Variants in PROS1 observed in about 807,000 individuals in gnomAD.
PROS1 encodes vitamin K-dependent protein S.
In PROS1, 29 loss-of-function variants were observed where a neutral mutation model predicts 75.9. The ratio of observed to expected loss-of-function variants is 0.38; its 90% confidence interval spans 0.28 to 0.52. The LOEUF (loss-of-function observed/expected upper bound fraction) is 0.52, where lower values mean the gene tolerates loss of function less well. Among genes scored for constraint, PROS1 ranks in the 20% least tolerant of loss-of-function variants. The pLI, the probability that PROS1 is intolerant of heterozygous loss-of-function variation, is 0.83. For missense variants in PROS1, 680 were observed against 810.3 expected (o/e 0.84, Z 1.95); for synonymous variants, 245 against 280.6 (o/e 0.87, Z 1.27).
intron 1 of PROS1, among the ~76,000 whole-genome samples, chr3:93,966,130 C>T (rs1202120873): frequency 1.3e-5 from 2 of 152,128 alleles, no homozygotes; most frequent in Non-Finnish European, 2.9e-5. Context: ...CAAAAACTAA[C>T]AAACTAACCT....
At chr3:93,952,663 A>G (rs1426704793) in intron 1 of PROS1, among the ~76,000 whole-genome samples, 1 of 152,228 alleles carries the variant, frequency 6.6e-6, no homozygotes, top group Non-Finnish European at 1.5e-5. Flanking sequence ...AGCACAACTA[A>G]AAGAACTAGA....
chr3:93,944,319 T>A (rs766793689), intron 1 of PROS1, among the ~76,000 whole-genome samples: 1 of 151,990 alleles, frequency 6.6e-6, no homozygotes, highest in East Asian at 1.9e-4. Flanking sequence ...ATTAGTAACA[T>A]GAAAAAGACC....
intron 6 of PROS1, among the ~76,000 whole-genome samples, chr3:93,903,034 T>A (rs1228505302): frequency 2.0e-5 from 3 of 151,794 alleles, no homozygotes; most frequent in Non-Finnish European, 4.4e-5. Context: ...CCTGGTTAAT[T>A]TTCTGTATTT....
chr3:93,878,866 G>A (rs370365758), intron 13 of PROS1, among the ~76,000 whole-genome samples: 2 of 152,020 alleles, frequency 1.3e-5, no homozygotes, highest in South Asian at 2.1e-4. Flanking sequence ...CTATGTACTC[G>A]GATGGCTCCA....
chr3:93,892,830 T>C (rs1708452362), intron 10 of PROS1, 103 bp downstream of exon 10: 1 of 1,099,132 alleles, frequency 9.1e-7, no homozygotes, highest in Non-Finnish European at 1.4e-6. Flanking sequence ...TAGCATCAGA[T>C]AACTCCAAAT....
At chr3:93,970,766 CAAAT>C (rs1036763048) in intron 1 of PROS1, among the ~76,000 whole-genome samples, 13 of 151,912 alleles carry the variant, frequency 8.6e-5, no homozygotes, top group African/African-American at 2.4e-4. Context: ...ATTTTTAAAA[CAAAT>C]AAGTTGAATT....
chr3:93,906,016 C>T lies in PROS1; in HGVS notation c.469+5G>A, dbSNP rs756682607. 6.8e-6 allele frequency: 11 copies of T among 1,613,988 alleles called. No individual in the cohort carries two copies. The highest frequency in any genetic ancestry group is 1.6e-4 in the Middle Eastern group (1 of 6,062). On this transcript the variant is annotated splice_donor_5th_base_variant and intron_variant, in intron 5 of 14. Transcript: ENST00000394236. ...GAGCTGGGGGGCGGGGGTTATTATA[C>T]GTACCAAATTCACACTTTTCTCCTT...
At chr3:93,874,441 C>T in intron 14 of PROS1, 36 bp from the exon 15 acceptor site, 1 of 1,609,500 alleles carries the variant, frequency 6.2e-7, no homozygotes, top group Non-Finnish European at 8.5e-7. Flanking sequence ...TAGTCCAAGA[C>T]TTTTAGCATC....
At chr3:93,956,788 A>G (rs1322089873) in intron 1 of PROS1, among the ~76,000 whole-genome samples, 1 of 152,124 alleles carries the variant, frequency 6.6e-6, no homozygotes, top group Non-Finnish European at 1.5e-5. Flanking sequence ...ACCTCACTAA[A>G]AAATCTTTAC....
intron 3 of PROS1, among the ~76,000 whole-genome samples, chr3:93,911,350 T>A (rs1708757576): frequency 6.6e-6 from 1 of 152,140 alleles, no homozygotes; most frequent in South Asian, 2.1e-4. Flanking sequence ...TAACTAGGAG[T>A]TACTTAGTGC....
intron 3 of PROS1, among the ~76,000 whole-genome samples, chr3:93,917,295 GT>G (rs1708870971): frequency 6.6e-6 from 1 of 152,024 alleles, no homozygotes; most frequent in Non-Finnish European, 1.5e-5. Flanking sequence ...GTTTTGTTTT[GT>G]TTTTTGTTTC....
At chr3:93,879,708 T>A (rs1708247142) in intron 12 of PROS1, among the ~76,000 whole-genome samples, 2 of 152,192 alleles carry the variant, frequency 1.3e-5, no homozygotes, top group African/African-American at 4.8e-5. Context: ...TTAGGGAAAA[T>A]CTGGGTACAG....
At chr3:93,892,390 C>G (rs994213841) in intron 10 of PROS1, among the ~76,000 whole-genome samples, 3 of 151,500 alleles carry the variant, frequency 2.0e-5, no homozygotes, top group African/African-American at 4.9e-5. Flanking sequence ...TTTGGGAGGC[C>G]AAGGCAAGTG....
At chr3:93,917,418 G>C (rs1261315983) in intron 3 of PROS1, among the ~76,000 whole-genome samples, 8 of 152,210 alleles carry the variant, frequency 5.3e-5, no homozygotes, top group Non-Finnish European at 1.2e-4. Flanking sequence ...TTGTCCCTCA[G>C]CCTCCCCAGT....
At position 93,893,133 on chromosome 3, in the gene PROS1, G is replaced by T; in HGVS notation, c.966-11C>A. On this transcript the variant is annotated splice_polypyrimidine_tract_variant and intron_variant, in intron 9 of 14. Transcript: ENST00000394236. ...AATTCTGCTGAAAATCTAAACAATG[G>T]ACAAAGAGAGATCCTTAAGAGTAAG... is the stretch of plus-strand genomic sequence containing the variant. 1 of 1,601,376 alleles carries T rather than the reference G, an allele frequency of 6.2e-7. No individual in the cohort carries two copies. Among genetic ancestry groups the T allele is most frequent in the South Asian group, 1.1e-5 (1 of 90,286 alleles).
intron 1 of PROS1, among the ~76,000 whole-genome samples, chr3:93,930,809 A>G (rs1381268923): frequency 6.6e-6 from 1 of 152,244 alleles, no homozygotes; most frequent in Non-Finnish European, 1.5e-5. Context: ...ATAATTGTAA[A>G]GTGAATAAAC....
At chr3:93,894,926 C>T (rs1708479101) in intron 9 of PROS1, among the ~76,000 whole-genome samples, 1 of 151,928 alleles carries the variant, frequency 6.6e-6, no homozygotes, top group South Asian at 2.1e-4. Flanking sequence ...ATTCTGATCC[C>T]ATGTTAGAGA....
At chr3:93,893,960 T>A (rs1229665995) in intron 9 of PROS1, among the ~76,000 whole-genome samples, 2 of 152,136 alleles carry the variant, frequency 1.3e-5, no homozygotes, top group African/African-American at 4.8e-5. Flanking sequence ...CATGTGTTGA[T>A]TCAGTATCCT....
At chr3:93,889,156 C>T (rs1193165388) in intron 10 of PROS1, among the ~76,000 whole-genome samples, 4 of 152,182 alleles carry the variant, frequency 2.6e-5, no homozygotes, top group Non-Finnish European at 5.9e-5. Flanking sequence ...AGATGCCTTT[C>T]CTGATTCTAT....
Sources: allele counts gnomAD v4.1 joint callset (sites outside exome capture counted in the v4.1 genomes callset), GRCh38; gene constraint gnomAD v4.1.1; transcripts MANE v1.5; gene names NCBI Gene and HGNC (gene_info 2026-07-23, HGNC 2026-07-21).